The following UNC13B variants were observed in gnomAD, a reference collection of about 807,000 sequenced individuals.
UNC13B encodes the protein protein unc-13 homolog B.
A neutral mutation model predicts 211.0 loss-of-function variants in UNC13B; 144 were observed. The observed-to-expected ratio is 0.68, with a 90% CI of 0.60 to 0.78. The LOEUF is 0.78. Ranked by LOEUF, UNC13B falls within the 30% of genes least tolerant of loss-of-function variation. The pLI, the probability that UNC13B is intolerant of heterozygous loss-of-function variation, is 0.00. For missense variants in UNC13B, 1,777 were observed against 2,002.0 expected (o/e 0.89, Z 2.14); for synonymous variants, 709 against 725.8 (o/e 0.98, Z 0.37).
At chr9:35,210,308 A>C (rs917989368) in intron 1 of UNC13B, among the ~76,000 whole-genome samples, 2 of 152,174 alleles carry the variant, frequency 1.3e-5, no homozygotes, top group Non-Finnish European at 2.9e-5. Context: ...TGTTAAAATT[A>C]AATGAATTTA....
intron 2 of UNC13B, among the ~76,000 whole-genome samples, chr9:35,230,174 T>C (rs1825115675): frequency 6.6e-6 from 1 of 152,188 alleles, no homozygotes; most frequent in Non-Finnish European, 1.5e-5. Context: ...AACTCTGTGA[T>C]AATATTTCTT....
At chr9:35,167,819 G>A (rs1003631117) in intron 1 of UNC13B, among the ~76,000 whole-genome samples, 6 of 145,626 alleles carry the variant, frequency 4.1e-5, no homozygotes, top group Non-Finnish European at 7.5e-5. Flanking sequence ...TGGCCAGGCT[G>A]GTGTTGAACT....
intron 26 of UNC13B, among the ~76,000 whole-genome samples, chr9:35,395,559 G>A (rs1206765453): frequency 6.6e-6 from 1 of 152,216 alleles, no homozygotes; most frequent in African/African-American, 2.4e-5. Flanking sequence ...CTTCTCTGCT[G>A]CTTAGTCCTC....
intron 37 of UNC13B, chr9:35,402,115 T>C (rs1445068313): frequency 9.9e-7 from 1 of 1,011,592 alleles, no homozygotes; most frequent in Non-Finnish European, 1.5e-6. Context: ...TGTCAAGGTT[T>C]AGGAGCTCTA....
chr9:35,194,144 C>T (rs1474123779), intron 1 of UNC13B, among the ~76,000 whole-genome samples: 1 of 152,198 alleles, frequency 6.6e-6, no homozygotes, highest in Admixed American at 6.5e-5. Context: ...GAGTGATGCT[C>T]ACTGTCGGGG....
At chr9:35,216,866 A>G (rs1487107792) in intron 1 of UNC13B, among the ~76,000 whole-genome samples, 1 of 152,220 alleles carries the variant, frequency 6.6e-6, no homozygotes, top group Non-Finnish European at 1.5e-5. Context: ...TGTGAGTGAT[A>G]CATTCAACAA....
At chr9:35,239,659 T>C (rs1312610912) in intron 5 of UNC13B, among the ~76,000 whole-genome samples, 1 of 152,178 alleles carries the variant, frequency 6.6e-6, no homozygotes, top group Non-Finnish European at 1.5e-5. Context: ...GACCAGGGCT[T>C]ATTTCATCCC....
At chr9:35,229,622 G>A (rs964768939) in intron 2 of UNC13B, among the ~76,000 whole-genome samples, 10 of 152,188 alleles carry the variant, frequency 6.6e-5, no homozygotes, top group Admixed American at 6.5e-4. Flanking sequence ...GGTCAGCTAT[G>A]TGTGATTGGA....
In UNC13B at chr9:35,261,420, C is replaced by T. The variant is rs1040839659; in HGVS notation, c.526+2370C>T. Among the ~76,000 whole-genome samples the T allele has an allele frequency of 4.6e-5, 7 of 151,898 alleles. 1 individual carries two copies. The highest frequency in any genetic ancestry group is 4.6e-4 in the Admixed American group (7 of 15,250). The stretch of plus-strand genomic sequence containing the variant: ...ATAATACAGTCTATATTAAGAACTC[C>T]CTAATTGTCCCCAAAAATATTTTGA... On this transcript the variant is annotated intron_variant, in intron 7 of 39. Coordinates refer to ENST00000635942, the MANE Select transcript of UNC13B (RefSeq NM_001371189.2).
At chr9:35,202,677 C>T (rs561332200) in intron 1 of UNC13B, among the ~76,000 whole-genome samples, 28 of 151,508 alleles carry the variant, frequency 1.8e-4, no homozygotes, top group Non-Finnish European at 3.2e-4. Flanking sequence ...GCAACCTTTG[C>T]TTTTTTTTGT....
chr9:35,316,726 A>G (rs925283550), intron 11 of UNC13B, among the ~76,000 whole-genome samples: 1 of 152,224 alleles, frequency 6.6e-6, no homozygotes, highest in Admixed American at 6.5e-5. Flanking sequence ...TACTAGCCAA[A>G]GTTTAACAAA....
Position 35,398,243 on chromosome 9 carries a change from G to T in UNC13B, c.11787G>T (p.Leu3929=), listed in dbSNP as rs1836018248. 1 of 1,613,876 alleles carries T rather than the reference G, an allele frequency of 6.2e-7. No homozygotes were observed. The highest frequency in any genetic ancestry group is 1.3e-5 in the African/African-American group (1 of 74,916). The change falls in exon 31 of 40, where the codon CTG becomes CTT. Residue 3929 remains leucine, a synonymous_variant. Coordinates refer to ENST00000635942, the MANE Select transcript of UNC13B (RefSeq NM_001371189.2). ...TCCTGATGAACAACGTGCAGCAACTGAGGGTCCAGCTGGAGAAAATGTTTG... is the reference window on the plus strand; with the variant it reads ...TCCTGATGAACAACGTGCAGCAACTTAGGGTCCAGCTGGAGAAAATGTTTG... ...PCILMNNVQQ[L]RVQLEKMFEA... is the part of the protein sequence containing the mutation.
At chr9:35,346,331 T>C (rs1006889444) in intron 11 of UNC13B, among the ~76,000 whole-genome samples, 3 of 152,156 alleles carry the variant, frequency 2.0e-5, no homozygotes, top group Non-Finnish European at 4.4e-5. Flanking sequence ...CCCCTGGTTG[T>C]TTCCTCTAAG....
intron 1 of UNC13B, among the ~76,000 whole-genome samples, chr9:35,203,278 T>G (rs999982986): frequency 1.3e-5 from 2 of 152,238 alleles, no homozygotes; most frequent in Non-Finnish European, 2.9e-5. Context: ...TTGGCATGTT[T>G]TTGCAGTGGC....
At chr9:35,284,539 A>G (rs1467961605) in intron 7 of UNC13B, among the ~76,000 whole-genome samples, 1 of 152,210 alleles carries the variant, frequency 6.6e-6, no homozygotes, top group Admixed American at 6.5e-5. Flanking sequence ...CTATAATGCT[A>G]GGCTTGATTT....
chr9:35,296,116 TA>T (rs1306876083), intron 8 of UNC13B, among the ~76,000 whole-genome samples, 186 bp downstream of exon 8: 1 of 152,246 alleles, frequency 6.6e-6, no homozygotes, highest in East Asian at 1.9e-4. Context: ...TACATTGCCA[TA>T]AGGAATTTTA....
chr9:35,253,581 T>C (rs1465867208), intron 6 of UNC13B, among the ~76,000 whole-genome samples: 1 of 152,216 alleles, frequency 6.6e-6, no homozygotes, highest in Non-Finnish European at 1.5e-5. Context: ...AAATACAATA[T>C]AGAGTCTAAC....
chr9:35,205,881 A>T (rs765760143), intron 1 of UNC13B, among the ~76,000 whole-genome samples: 1 of 147,978 alleles, frequency 6.8e-6, no homozygotes, highest in Non-Finnish European at 1.5e-5. Context: ...TTTTGTGTGG[A>T]TTTTTTAAAA....
chr9:35,322,809 T>C (rs774503947), intron 11 of UNC13B, among the ~76,000 whole-genome samples: 1 of 152,128 alleles, frequency 6.6e-6, no homozygotes, highest in Non-Finnish European at 1.5e-5. Flanking sequence ...TCTGGAATTT[T>C]TTCTGATCAT....
Sources: gnomAD v4.1 joint callset for allele counts (sites outside exome capture counted in the v4.1 genomes callset) on GRCh38, gnomAD v4.1.1 for gene constraint, MANE v1.5 for transcripts, NCBI Gene and HGNC (gene_info 2026-07-23, HGNC 2026-07-21) for gene names.